The following ATG2A variants were observed in gnomAD, a reference collection of about 807,000 sequenced individuals.
ATG2A encodes the protein autophagy-related protein 2 homolog A.
ATG2A carries 103 observed loss-of-function variants against 214.2 expected under a neutral mutation model. The observed-to-expected ratio is 0.48, with a 90% confidence interval of 0.41 to 0.57. ATG2A has a LOEUF of 0.57. ATG2A is among the 20% of genes least tolerant of loss of function. ATG2A has a pLI of 0.00. For missense variants in ATG2A, 2,312 were observed against 2,613.2 expected (o/e 0.88, Z 2.51); for synonymous variants, 1,160 against 1,142.1 (o/e 1.02, Z -0.32).
In ATG2A at chr11:64,903,386, G is replaced by T; in HGVS notation, c.3536-22C>A. On this transcript the variant is annotated intron_variant, in intron 25 of 40. Transcript: ENST00000377264. The surrounding 1 kb of genome is among the most constrained non-coding windows in gnomAD (Gnocchi z 4.2). ...TAATCTGCAGCAGAGGCGAGAGAAA[G>T]GTCCTGTGGCCCCCTTCCACCCGGC... 1 of 1,613,366 alleles carries T rather than the reference G, an allele frequency of 6.2e-7. No homozygotes were observed. The highest frequency in any genetic ancestry group is 8.5e-7 in the Non-Finnish European group (1 of 1,179,534).
Position 64,913,438 on chromosome 11 carries a change from C to T in ATG2A, c.591-37G>A. On this transcript the variant is annotated intron_variant, in intron 4 of 40. Coordinates refer to ENST00000377264, the MANE Select transcript of ATG2A (RefSeq NM_015104.3). The surrounding 1 kb of genome is among the most constrained non-coding windows in gnomAD (Gnocchi z 4.3). Reference sequence around the variant, plus strand: ...AGGGTCAGCCCGTGCCCTGGCCACCCCAGGCCTGGAGCCCCTCTCTCCACA... The same window carrying T: ...AGGGTCAGCCCGTGCCCTGGCCACCTCAGGCCTGGAGCCCCTCTCTCCACA... 6.6e-7 allele frequency: 1 copy of T among 1,525,346 alleles called. No homozygotes were observed. The highest frequency in any genetic ancestry group is 8.8e-7 in the Non-Finnish European group (1 of 1,132,592). 94.5% of individuals were successfully genotyped at this position (1,525,346 alleles called of 1,614,324 possible). A position where few individuals can be genotyped will look rare whatever the true frequency, so the allele number is the denominator to read the frequency against.
At position 64,895,333 on chromosome 11, in the gene ATG2A, T is replaced by C; in HGVS notation, c.5537A>G (p.Asp1846Gly). Reference sequence around the variant, plus strand: ...GGCCTTGGCCACACCCTCCCGCAGGTCGGCAGGCTGCTGGCCCCTGCGCAG... The same window carrying C: ...GGCCTTGGCCACACCCTCCCGCAGGCCGGCAGGCTGCTGGCCCCTGCGCAG... ...RRLRRGQQPA[D>G]LREGVAKAYD... The change falls in exon 40 of 41, where the codon GAC becomes GGC. Residue 1846 changes from aspartate to glycine, a missense_variant. Asp to Gly is a moderately conservative substitution (Grantham distance 94). Coordinates refer to ENST00000377264, the MANE Select transcript of ATG2A (RefSeq NM_015104.3). The surrounding 1 kb of genome is among the most constrained non-coding windows in gnomAD (Gnocchi z 5.0). The C allele has an allele frequency of 6.2e-7, 1 of 1,613,350 alleles. No homozygotes were observed. Among genetic ancestry groups the C allele is most frequent in the Non-Finnish European group, 8.5e-7 (1 of 1,179,874 alleles).
In ATG2A at chr11:64,906,492, G is replaced by A. The variant is rs142738692; in HGVS notation, c.3025C>T (p.Pro1009Ser). 9.9e-6 allele frequency: 16 copies of A among 1,613,228 alleles called. No homozygotes were observed. The Admixed American group carries it at 1.3e-4, about 13-fold the overall frequency. ...DYPLPSHLDL[P>S]SFAPPAQLAP... The stretch of plus-strand genomic sequence containing the variant: ...AGCTGAGCCGGGGGAGCGAAACTGG[G>A]AAGGTCCAGGTGACTGGGCAGCGGG... The change falls in exon 21 of 41, where the codon CCC (proline) becomes TCC (serine). Residue 1009 changes from proline to serine, a missense_variant. Coordinates refer to ENST00000377264, the MANE Select transcript of ATG2A (RefSeq NM_015104.3).
chr11:64,912,817 T>A (rs1469676461), intron 6 of ATG2A: 2 of 508,020 alleles, frequency 3.9e-6, no homozygotes, highest in Non-Finnish European at 6.9e-6. Context: ...GGTCTCGAAC[T>A]CCTGACCTCA....
intron 1 of ATG2A, among the ~76,000 whole-genome samples, chr11:64,915,133 C>A (rs889786051): frequency 6.7e-4 from 2 of 3,002 alleles, no homozygotes; most frequent in Admixed American, 3.6e-3. Context: ...CCAGATGGGA[C>A]CCCCCCCCCC....
rs200063859 is a variant in ATG2A at position 64,894,855 on chromosome 11, C to T, written c.*118G>A. On this transcript the variant is annotated 3_prime_UTR_variant, in exon 41 of 41. Coordinates refer to ENST00000377264, the MANE Select transcript of ATG2A (RefSeq NM_015104.3). The stretch of plus-strand genomic sequence containing the variant: ...ATTGGCAACGGGCAGGCTGGGAAGG[C>T]GTCCTTCACAGTGGCCATCCCCTGA... 271 of 1,211,134 alleles carry T rather than the reference C, an allele frequency of 2.2e-4. No homozygotes were observed. Among genetic ancestry groups the T allele is most frequent in the Admixed American group, 8.6e-4 (51 of 59,444 alleles). 75.0% of individuals were successfully genotyped at this position (1,211,134 alleles called of 1,614,324 possible). A position where few individuals can be genotyped will look rare whatever the true frequency, so the allele number is the denominator to read the frequency against.
Position 64,902,639 on chromosome 11 carries a change from TACC to T in ATG2A, c.3651_3653del (p.Val1218del), listed in dbSNP as rs774815275. 4 of 1,611,098 alleles carry T rather than the reference TACC, an allele frequency of 2.5e-6. No individual in the cohort carries two copies. The highest frequency in any genetic ancestry group is 2.5e-6 in the Non-Finnish European group (3 of 1,179,788). On this transcript the variant is annotated inframe_deletion, in exon 27 of 41. Transcript: ENST00000377264. ...AGGAGTCGGCACAGCTGTGCACGTG[TACC>T]ACATTGTTGGAGCAGCGCAGCTCGA...
In ATG2A at chr11:64,898,377, T is replaced by G. The variant is rs895115573; in HGVS notation, c.4672-15A>C. 2 of 1,581,658 alleles carry G rather than the reference T, an allele frequency of 1.3e-6. No individual in the cohort carries two copies. Among genetic ancestry groups the G allele is most frequent in the Non-Finnish European group, 8.6e-7 (1 of 1,165,848 alleles). On this transcript the variant is annotated splice_polypyrimidine_tract_variant and intron_variant, in intron 32 of 40. Coordinates refer to ENST00000377264, the MANE Select transcript of ATG2A (RefSeq NM_015104.3). The surrounding 1 kb of genome is among the most constrained non-coding windows in gnomAD (Gnocchi z 4.5). ...TTGATGGTGAGCTGGGAGCAGAGGGTGAGTTCTGGACACCTGCTGGGCCTC... is the reference window on the plus strand; with the variant it reads ...TTGATGGTGAGCTGGGAGCAGAGGGGGAGTTCTGGACACCTGCTGGGCCTC...
At chr11:64,904,663 G>C (rs1944475948) in intron 24 of ATG2A, among the ~76,000 whole-genome samples, 2 of 151,856 alleles carry the variant, frequency 1.3e-5, no homozygotes, top group Admixed American at 1.3e-4. Flanking sequence ...CTAATTCTGA[G>C]AAAACCACCA....
rs929930992 is a variant in ATG2A at position 64,895,794 on chromosome 11, C to T, written c.5428-352G>A. On this transcript the variant is annotated intron_variant, in intron 39 of 40. Coordinates refer to ENST00000377264, the MANE Select transcript of ATG2A (RefSeq NM_015104.3). The surrounding 1 kb of genome is among the most constrained non-coding windows in gnomAD (Gnocchi z 5.0). The stretch of plus-strand genomic sequence containing the variant: ...CGCTCCTTGCCTGGCCCCCCAGACG[C>T]CCCTGCCAGATGGTCAGAGGCCCAT... Among the ~76,000 whole-genome samples, 1 of 152,182 alleles carries T rather than the reference C, an allele frequency of 6.6e-6. No individual in the cohort carries two copies. Among genetic ancestry groups the T allele is most frequent in the Admixed American group, 6.5e-5 (1 of 15,284 alleles).
At chr11:64,916,128 C>T (rs1944973373) in intron 1 of ATG2A, among the ~76,000 whole-genome samples, 1 of 152,224 alleles carries the variant, frequency 6.6e-6, no homozygotes, top group Admixed American at 6.5e-5. Flanking sequence ...TCCTTCAAAG[C>T]TCCCCAGGTC....
chr11:64,897,636 C>G, intron 36 of ATG2A, 35 bp downstream of exon 36: 1 of 1,613,818 alleles, frequency 6.2e-7, no homozygotes, highest in African/African-American at 1.3e-5. Flanking sequence ...CACAGCTGAC[C>G]CCACATGGCC....
rs373410435 is a variant in ATG2A at position 64,898,995 on chromosome 11, C to T, written c.4465-153G>A. 5.7e-4 allele frequency among the ~76,000 whole-genome samples: 87 copies of T among 152,302 alleles called. 2 individuals carry two copies. The South Asian group carries it at 0.016, about 28-fold the overall frequency. On this transcript the variant is annotated intron_variant, in intron 31 of 40. Transcript: ENST00000377264. This position sits in a 1 kb window ranked among gnomAD's most constrained non-coding sequence, Gnocchi z 4.5. ...GTGGCGTGATCTCGGCTCACTGCAA[C>T]CTCTGCCTCTCGGGTTCAAGCGATT...
Position 64,899,232 on chromosome 11 carries a change from C to T in ATG2A, c.4465-390G>A, listed in dbSNP as rs1487525555. Among the ~76,000 whole-genome samples, 6 of 152,316 alleles carry T rather than the reference C, an allele frequency of 3.9e-5. No homozygotes were observed. The South Asian group carries it at 6.2e-4, about 16-fold the overall frequency. On this transcript the variant is annotated intron_variant, in intron 31 of 40. Transcript: ENST00000377264. ...TACCCCTTCTCTATTCTATGCCCAG[C>T]AGGGACCTGCCTCTCCCTCCAGACC...
At position 64,914,454 on chromosome 11, in the gene ATG2A, A is replaced by G. The variant is rs989335400; in HGVS notation, c.218T>C (p.Val73Ala). 4 of 1,612,814 alleles carry G rather than the reference A, an allele frequency of 2.5e-6. No homozygotes were observed. The highest frequency in any genetic ancestry group is 3.4e-6 in the Non-Finnish European group (4 of 1,179,800). Reference protein sequence around the residue: ...LESMESPLELVEGFVGSIEVA... With the variant: ...LESMESPLELAEGFVGSIEVA... ...CTCGATGGAGCCCACGAAGCCTTCC[A>G]CCAGCTCCAGCGGTGACTCCATTGA... The change falls in exon 2 of 41, where the codon GTG (valine) becomes GCG (alanine). Residue 73 changes from valine (V) to alanine (A), a missense_variant. Coordinates refer to ENST00000377264, the MANE Select transcript of ATG2A (RefSeq NM_015104.3).
chr11:64,910,843 C>T lies in ATG2A; in HGVS notation c.1578G>A (p.Leu526=). Residue 526 remains leucine, a synonymous_variant, in exon 11 of 41, where the codon CTG becomes CTA. Transcript: ENST00000377264. ...HFGQLEVLEC[L]WPRGTSEPEY... is the part of the protein sequence containing the mutation. ...CAGGCTCAGAGGTGCCCCGGGGCCA[C>T]AGACACTCCAGCACCTCCAGCTGCC... is the stretch of plus-strand genomic sequence containing the variant. 1.2e-6 allele frequency: 2 copies of T among 1,609,120 alleles called. No individual in the cohort carries two copies. The highest frequency in any genetic ancestry group is 1.7e-6 in the Non-Finnish European group (2 of 1,178,208).
chr11:64,896,820 G>A lies in ATG2A; in HGVS notation c.5200C>T (p.Gln1734Ter). The A allele has an allele frequency of 6.2e-7, 1 of 1,613,686 alleles. No homozygotes were observed. Among genetic ancestry groups the A allele is most frequent in the Admixed American group, 1.7e-5 (1 of 60,024 alleles). The change falls in exon 38 of 41, where the codon CAG (glutamine) becomes TAG (stop). Residue 1734 changes from glutamine (Q) to a stop codon, truncating the protein, a stop_gained. Coordinates refer to ENST00000377264, the MANE Select transcript of ATG2A (RefSeq NM_015104.3). LOFTEE classifies it high-confidence loss of function. ...VLGYALNEWLQDIRKNQLPGL... is the reference protein window; with the variant it reads ...VLGYALNEWL Reference sequence around the variant, plus strand: ...GGCAGCTGGTTCTTGCGGATGTCCTGCAGCCACTCGTTGAGGGCATAGCCC... The same window carrying A: ...GGCAGCTGGTTCTTGCGGATGTCCTACAGCCACTCGTTGAGGGCATAGCCC...
In ATG2A at chr11:64,898,803, T is replaced by A; in HGVS notation, c.4504A>T (p.Thr1502Ser). The A allele has an allele frequency of 6.2e-7, 1 of 1,613,208 alleles. No homozygotes were observed. The highest frequency in any genetic ancestry group is 8.5e-7 in the Non-Finnish European group (1 of 1,179,992). Residue 1502 changes from threonine (T) to serine (S), a missense_variant, in exon 32 of 41, where the codon ACA becomes TCA. By Grantham distance (58) the Thr-to-Ser change is moderately conservative. Coordinates refer to ENST00000377264, the MANE Select transcript of ATG2A (RefSeq NM_015104.3). The surrounding 1 kb of genome is among the most constrained non-coding windows in gnomAD (Gnocchi z 4.5). ...TCCTGGCTGGGGGCCGCAGGGCCTG[T>A]GGCTGGCTCCGCTGGGTACACCTCG... ...QHEVYPAEPA[T>S]GPAAPSQELE... is the part of the protein sequence containing the mutation.
chr11:64,896,020 A>G (rs1034598150), intron 39 of ATG2A, among the ~76,000 whole-genome samples: 3 of 152,188 alleles, frequency 2.0e-5, no homozygotes, highest in African/African-American at 7.2e-5. Flanking sequence ...TTAGCCGCCT[A>G]GGACCATCGA....
Sources: gnomAD v4.1 joint callset for allele counts (sites outside exome capture counted in the v4.1 genomes callset) on GRCh38, gnomAD v4.1.1 for gene constraint, Gnocchi (gnomAD v3.1) non-coding constraint, MANE v1.5 for transcripts, NCBI Gene and HGNC (gene_info 2026-07-23, HGNC 2026-07-21) for gene names.